USP9X: variants seen among roughly 807,000 people sequenced by gnomAD.
The protein encoded by USP9X is ubiquitin specific peptidase 9 X-linked, also known as ubiquitin carboxyl-terminal hydrolase 9X.
A neutral mutation model predicts 190.3 loss-of-function variants in USP9X; 7 were observed. That is an observed-to-expected ratio of 0.04 (90% CI 0.02 to 0.07). The LOEUF (loss-of-function observed/expected upper bound fraction) is 0.07. Among genes scored for constraint, USP9X ranks in the 10% least tolerant of loss-of-function variants. The probability of loss-of-function intolerance (pLI) is 1.00; values close to 1 mark genes in which losing one functional copy is unlikely to be tolerated. For missense variants in USP9X, 1,010 were observed against 1,916.9 expected (o/e 0.53, Z 8.83); for synonymous variants, 645 against 659.5 (o/e 0.98, Z 0.34).
At chrX:41,095,074 G>A (rs984398527) in intron 1 of USP9X, among the ~76,000 whole-genome samples, 3 of 110,433 alleles carry the variant, frequency 2.7e-5, no homozygotes, top group Non-Finnish European at 5.7e-5. Flanking sequence ...AGATTTTGGA[G>A]CATTTTGGAT....
At chrX:41,205,129 C>T in intron 31 of USP9X, 174 bp from the exon 32 acceptor site, 1 of 391,703 alleles carries the variant, frequency 2.6e-6, no homozygotes, top group Non-Finnish European at 4.3e-6. Flanking sequence ...GTTATGATAA[C>T]TAATATGTGA....
chrX:41,090,763 G>A (rs2061950153), intron 1 of USP9X, among the ~76,000 whole-genome samples: 1 of 111,477 alleles, frequency 9.0e-6, no homozygotes, highest in Middle Eastern at 4.6e-3. Flanking sequence ...TTTGAGTTTC[G>A]TTTTGTTAGT....
chrX:41,158,219 C>T (rs954322391), intron 14 of USP9X, among the ~76,000 whole-genome samples: 1 of 111,229 alleles, frequency 9.0e-6, no homozygotes, highest in Non-Finnish European at 1.9e-5. Flanking sequence ...CTGAAAACGT[C>T]TCTAATTTGA....
chrX:41,205,072 G>A (rs1245832804), intron 31 of USP9X: 1 of 287,714 alleles, frequency 3.5e-6, no homozygotes. Context: ...CTATGCTAAT[G>A]CTACACTATA....
At chrX:41,196,475 A>T (rs2062985577) in intron 27 of USP9X, 116 bp downstream of exon 27, 3 of 1,065,481 alleles carry the variant, frequency 2.8e-6, no homozygotes, top group Non-Finnish European at 3.8e-6. Flanking sequence ...TAATAAATGA[A>T]GTACTACTTT....
At chrX:41,125,711 C>CTCTCTT (rs1354718168) in intron 2 of USP9X, among the ~76,000 whole-genome samples, 122 of 104,631 alleles carry the variant, frequency 1.2e-3, no homozygotes, top group Non-Finnish European at 1.1e-3. Flanking sequence ...CTCTCTCTCT[C>CTCTCTT]TCTCTCTCGC....
chrX:41,173,341 C>T (rs1420926779), intron 21 of USP9X, among the ~76,000 whole-genome samples: 1 of 111,467 alleles, frequency 9.0e-6, no homozygotes, highest in East Asian at 2.8e-4. Flanking sequence ...ACCTAATGTT[C>T]GGCAAAATTA....
intron 38 of USP9X, among the ~76,000 whole-genome samples, chrX:41,219,811 A>G (rs2147254225): frequency 8.9e-6 from 1 of 111,835 alleles, no homozygotes; most frequent in East Asian, 2.8e-4. Flanking sequence ...GGGAGACCCT[A>G]TCTCTACAAA....
At chrX:41,187,907 C>T in intron 24 of USP9X, 85 bp from the exon 25 acceptor site, 7 of 952,643 alleles carry the variant, frequency 7.3e-6, no homozygotes, top group Non-Finnish European at 8.5e-6. Context: ...TTCCTATTTC[C>T]TTTACAAAGT....
chrX:41,165,244 CAATTA>C (rs2062669308), intron 15 of USP9X, among the ~76,000 whole-genome samples: 1 of 111,693 alleles, frequency 9.0e-6, no homozygotes, highest in African/African-American at 3.3e-5. Flanking sequence ...TTGAGTGCTA[CAATTA>C]AATTAGCCAT....
chrX:41,127,684 A>G (rs2062268440), intron 2 of USP9X, among the ~76,000 whole-genome samples: 1 of 112,419 alleles, frequency 8.9e-6, no homozygotes, highest in Non-Finnish European at 1.9e-5. Flanking sequence ...ACAGTGCACC[A>G]TTTAGTTACT....
At chrX:41,122,379 C>T (rs909543173) in intron 1 of USP9X, among the ~76,000 whole-genome samples, 1 of 112,177 alleles carries the variant, frequency 8.9e-6, no homozygotes, top group Non-Finnish European at 1.9e-5. Flanking sequence ...CAGTGATAAA[C>T]GTTAGTTGTG....
At chrX:41,090,612 G>A (rs959367075) in intron 1 of USP9X, among the ~76,000 whole-genome samples, 4 of 112,027 alleles carry the variant, frequency 3.6e-5, no homozygotes, top group Non-Finnish European at 7.5e-5. Context: ...CATCTGTGGA[G>A]CTTTTTCAAA....
At chrX:41,089,903 G>GTTTTTTT (rs139093155) in intron 1 of USP9X, among the ~76,000 whole-genome samples, 1,548 of 30,430 alleles carry the variant, frequency 0.051, 182 homozygotes, top group Admixed American at 0.063. Context: ...ATCTATGAGG[G>GTTTTTTT]TTTTTTTTTT....
intron 17 of USP9X, among the ~76,000 whole-genome samples, 154 bp from the exon 18 acceptor site, chrX:41,167,853 C>T (rs1198692374): frequency 8.9e-6 from 1 of 112,295 alleles, no homozygotes; most frequent in Non-Finnish European, 1.9e-5. Flanking sequence ...AATAAACATA[C>T]ATTTTATTAT....
chrX:41,114,289 G>T (rs1003970881), intron 1 of USP9X, among the ~76,000 whole-genome samples: 2 of 111,688 alleles, frequency 1.8e-5, no homozygotes, highest in African/African-American at 6.5e-5. Context: ...ATAATGTTCT[G>T]CAAAGTTTCT....
At position 41,205,887 on chromosome X, in the gene USP9X, C is replaced by CTTTTT. The variant is rs751427663; in HGVS notation, c.5015+397_5015+401dup. Among the ~76,000 whole-genome samples, 48 of 87,140 alleles carry CTTTTT rather than the reference C, an allele frequency of 5.5e-4. 1 individual carries two copies. The highest frequency in any genetic ancestry group is 1.8e-3 in the African/African-American group (44 of 24,495). The allele number at this position is 87,140 out of a possible 115,157, so 75.7% of individuals were successfully genotyped here. On this transcript the variant is annotated intron_variant, in intron 32 of 44. Transcript: ENST00000378308. ...TTTTTCTTTTTTTCTTTTTCTTTTT[C>CTTTTT]TTTTTTTCTTTTTTTTTTTTGAGAT...
At chrX:41,149,882 T>C (rs1181406812) in intron 12 of USP9X, among the ~76,000 whole-genome samples, 2 of 110,259 alleles carry the variant, frequency 1.8e-5, no homozygotes, top group Non-Finnish European at 3.8e-5. Context: ...TGTTTTGTAC[T>C]TTTAGTAGAG....
At chrX:41,134,933 C>G in intron 5 of USP9X, 96 bp downstream of exon 5, 2 of 647,238 alleles carry the variant, frequency 3.1e-6, no homozygotes, top group Non-Finnish European at 4.5e-6. Flanking sequence ...TATATTTATT[C>G]TGTTATAATT....
Sources: allele counts gnomAD v4.1 joint callset (sites outside exome capture counted in the v4.1 genomes callset), GRCh38; gene constraint gnomAD v4.1.1; transcripts MANE v1.5; gene names NCBI Gene and HGNC (gene_info 2026-07-23, HGNC 2026-07-21).